GYS2: variants seen among roughly 807,000 people sequenced by gnomAD.
The protein encoded by GYS2 is glycogen [starch] synthase, liver.
Under a neutral mutation model 85.6 loss-of-function variants are expected in GYS2, and 80 were observed. The ratio of observed to expected loss-of-function variants is 0.93; its 90% CI spans 0.78 to 1.13. GYS2 has a LOEUF of 1.13. Ranked by LOEUF, GYS2 falls within the 50% of genes most tolerant of loss-of-function variation. GYS2 has a pLI of 0.00. For missense variants in GYS2, 881 were observed against 854.9 expected, an observed-to-expected ratio of 1.03 and a Z score of -0.38; for synonymous variants, 328 against 300.7, an observed-to-expected ratio of 1.09 and a Z score of -0.94.
intron 1 of GYS2, among the ~76,000 whole-genome samples, chr12:21,586,085 T>C (rs1944569444): frequency 6.6e-6 from 1 of 152,244 alleles, no homozygotes; most frequent in African/African-American, 2.4e-5. Flanking sequence ...TCTGTGAGGG[T>C]ATTGCCAAAG....
At chr12:21,567,376 A>G (rs1026527860) in intron 5 of GYS2, among the ~76,000 whole-genome samples, 2 of 152,160 alleles carry the variant, frequency 1.3e-5, no homozygotes, top group Non-Finnish European at 2.9e-5. Context: ...AGGAAGATCC[A>G]AGAGAGAAAT....
rs1944229763 is a variant in GYS2, at chr12:21,559,783, A to G, written c.1170-73T>C. The G allele has an allele frequency of 8.2e-6, 8 of 970,492 alleles. No individual in the cohort carries two copies. In the East Asian group the frequency reaches 1.9e-4, roughly 23 times the overall value. The allele number at this position is 970,492 out of a possible 1,614,324, so 60.1% of individuals were successfully genotyped here. On this transcript the variant is annotated intron_variant, in intron 8 of 15. Coordinates refer to ENST00000261195, the MANE Select transcript of GYS2 (RefSeq NM_021957.4). ...AATCTTTATTTGTCACGATAATGCTATTGTTTTGTTGACATTCTTTGAAAT... is the reference window on the plus strand; with the variant it reads ...AATCTTTATTTGTCACGATAATGCTGTTGTTTTGTTGACATTCTTTGAAAT...
At chr12:21,546,050 T>TA (rs147866532) in intron 12 of GYS2, among the ~76,000 whole-genome samples, 18,308 of 152,216 alleles carry the variant, frequency 0.12, 1,458 homozygotes, top group Non-Finnish European at 0.18. Context: ...CTAAATAAGA[T>TA]ACAACCTTTA....
At chr12:21,551,163 C>A (rs1203872187) in intron 11 of GYS2, among the ~76,000 whole-genome samples, 3 of 104,038 alleles carry the variant, frequency 2.9e-5, no homozygotes, top group Non-Finnish European at 5.5e-5. Flanking sequence ...CTCCCCCCTC[C>A]CCCCACCCCA....
chr12:21,553,824 G>A (rs1944142335), intron 11 of GYS2, among the ~76,000 whole-genome samples: 1 of 127,500 alleles, frequency 7.8e-6, no homozygotes, highest in South Asian at 2.7e-4. Flanking sequence ...CATAAAATAG[G>A]CTTCTTTTGT....
chr12:21,604,057 T>C (rs781322125), intron 1 of GYS2, among the ~76,000 whole-genome samples: 81 of 152,254 alleles, frequency 5.3e-4, no homozygotes, highest in Non-Finnish European at 8.5e-4. Flanking sequence ...ATATAATTAC[T>C]AACAGAATGT....
rs1944785094 is a variant in GYS2, at chr12:21,604,505, G to A, written c.88C>T (p.Leu30Phe). Residue 30 changes from leucine (L) to phenylalanine (F), a missense_variant, in exon 1 of 16, where the codon CTC becomes TTC. Physicochemically the swap from Leu to Phe is conservative, Grantham distance 22. Coordinates refer to ENST00000261195, the MANE Select transcript of GYS2 (RefSeq NM_021957.4). ...VEELPVEELLLFEVAWEVTNK... is the reference protein window; with the variant it reads ...VEELPVEELLFFEVAWEVTNK... ...GTCACTTCCCAAGCAACTTCAAAGA[G>A]CAGTAACTCCTCCACAGGAAGTTCT... 1.2e-6 allele frequency: 2 copies of A among 1,612,206 alleles called. No homozygotes were observed. The highest frequency in any genetic ancestry group is 1.7e-6 in the Non-Finnish European group (2 of 1,178,568).
intron 11 of GYS2, among the ~76,000 whole-genome samples, chr12:21,554,088 A>G (rs1944146232): frequency 6.6e-6 from 1 of 152,050 alleles, no homozygotes; most frequent in Non-Finnish European, 1.5e-5. Flanking sequence ...TTTATTAAAT[A>G]CATTGACTTT....
intron 15 of GYS2, among the ~76,000 whole-genome samples, 157 bp downstream of exon 15, chr12:21,539,101 G>C (rs572762522): frequency 1.6e-4 from 24 of 152,292 alleles, no homozygotes; most frequent in Middle Eastern, 3.4e-3. Flanking sequence ...CTTTAGGACA[G>C]TCTGATTTGT....
At chr12:21,544,795 T>C (rs1171964932) in intron 12 of GYS2, among the ~76,000 whole-genome samples, 1 of 152,212 alleles carries the variant, frequency 6.6e-6, no homozygotes, top group East Asian at 1.9e-4. Context: ...CCTTTGTCTA[T>C]TTTCCCCAAG....
rs1944443433 is a variant in GYS2 at position 21,576,063 on chromosome 12, A to G, written c.304-6T>C. The G allele has an allele frequency of 1.2e-6, 2 of 1,609,140 alleles. No homozygotes were observed. The highest frequency in any genetic ancestry group is 1.7e-6 in the Non-Finnish European group (2 of 1,177,526). On this transcript the variant is annotated splice_region_variant and splice_polypyrimidine_tract_variant and intron_variant, in intron 2 of 15. Transcript: ENST00000261195. ...AGCCATCTTCCAAAATGCACCTGTCATATAAAGAACACAGCCATGTAGTGA... is the reference window on the plus strand; with the variant it reads ...AGCCATCTTCCAAAATGCACCTGTCGTATAAAGAACACAGCCATGTAGTGA...
chr12:21,563,792 AAC>A (rs1033057377), intron 5 of GYS2, among the ~76,000 whole-genome samples: 1 of 152,158 alleles, frequency 6.6e-6, no homozygotes, highest in African/African-American at 2.4e-5. Context: ...GCCGTCCAAG[AAC>A]ACACAGCTGG....
At chr12:21,592,338 A>T (rs530924823) in intron 1 of GYS2, among the ~76,000 whole-genome samples, 1 of 152,048 alleles carries the variant, frequency 6.6e-6, no homozygotes, top group Non-Finnish European at 1.5e-5. Flanking sequence ...TACTTGAAAG[A>T]TATAGACTGG....
In GYS2 at chr12:21,537,032, C is replaced by A; in HGVS notation, c.2034G>T (p.Arg678=). 1 of 1,614,000 alleles carries A rather than the reference C, an allele frequency of 6.2e-7. No homozygotes were observed. Among genetic ancestry groups the A allele is most frequent in the Non-Finnish European group, 8.5e-7 (1 of 1,179,918 alleles). ...YDEEEEAERD[R]LNIKSPFSLS... ...GTGAAAATGGTGACTTGATATTTAA[C>A]CGATCCCTTTCAGCCTCCTCTTCCT... The change falls in exon 16 of 16, where the codon CGG becomes CGT. Residue 678 remains arginine (R), a synonymous_variant. Transcript: ENST00000261195.
chr12:21,568,253 C>T (rs1032248147), intron 5 of GYS2, among the ~76,000 whole-genome samples: 2 of 152,098 alleles, frequency 1.3e-5, no homozygotes, highest in Non-Finnish European at 2.9e-5. Context: ...CATTGTATGA[C>T]AGTGCATTGA....
At chr12:21,576,626 C>T (rs924779641) in intron 2 of GYS2, among the ~76,000 whole-genome samples, 2 of 152,136 alleles carry the variant, frequency 1.3e-5, no homozygotes, top group Admixed American at 6.6e-5. Flanking sequence ...GCCCTAGATA[C>T]ATTATCTCTT....
chr12:21,603,945 T>C (rs1243488866), intron 1 of GYS2, among the ~76,000 whole-genome samples: 1 of 152,138 alleles, frequency 6.6e-6, no homozygotes, highest in Non-Finnish European at 1.5e-5. Context: ...AAAAAATTAC[T>C]TTCATTCTGA....
chr12:21,576,752 A>G (rs1319072643), intron 2 of GYS2, among the ~76,000 whole-genome samples: 3 of 152,050 alleles, frequency 2.0e-5, no homozygotes, highest in Non-Finnish European at 4.4e-5. Flanking sequence ...TTCCAGTTGT[A>G]TGTATATCAT....
intron 4 of GYS2, among the ~76,000 whole-genome samples, chr12:21,571,519 GA>G (rs1944384830): frequency 6.6e-6 from 1 of 152,170 alleles, no homozygotes. Flanking sequence ...GACACATGTG[GA>G]TAACCCTGTA....
Sources: allele counts gnomAD v4.1 joint callset (sites outside exome capture counted in the v4.1 genomes callset), GRCh38; gene constraint gnomAD v4.1.1; transcripts MANE v1.5; gene names NCBI Gene and HGNC (gene_info 2026-07-23, HGNC 2026-07-21).